The following MAGI1 variants were observed in gnomAD, a reference collection of about 807,000 sequenced individuals.
MAGI1 encodes the protein membrane associated guanylate kinase, WW and PDZ domain containing 1, also known as membrane-associated guanylate kinase, WW and PDZ domain-containing protein 1.
In MAGI1, 58 loss-of-function variants were observed where a neutral mutation model predicts 139.9. That is an observed-to-expected ratio of 0.41 (90% CI 0.34 to 0.52). The LOEUF (loss-of-function observed/expected upper bound fraction) is 0.52, where lower values mean the gene tolerates loss of function less well. Among genes scored for constraint, MAGI1 ranks in the 20% least tolerant of loss-of-function variants. MAGI1 has a pLI of 0.12. For synonymous variants in MAGI1, 812 were observed against 737.9 expected, an observed-to-expected ratio of 1.10 and a Z score of -1.63; for missense variants, 1,874 against 1,901.6, an observed-to-expected ratio of 0.99 and a Z score of 0.27.
chr3:65,674,094 C>T (rs1156607197), intron 1 of MAGI1, among the ~76,000 whole-genome samples: 1 of 152,102 alleles, frequency 6.6e-6, no homozygotes, highest in South Asian at 2.1e-4. Flanking sequence ...ATAATTTAAG[C>T]TTATACGACA....
chr3:65,460,317 A>G (rs977021585), intron 5 of MAGI1, among the ~76,000 whole-genome samples: 2 of 152,148 alleles, frequency 1.3e-5, no homozygotes, highest in Non-Finnish European at 2.9e-5. Context: ...CCTTTTTTGT[A>G]CTGTGTTTAG....
intron 16 of MAGI1, 70 bp from the exon 17 acceptor site, chr3:65,379,624 T>C: frequency 6.5e-7 from 1 of 1,542,078 alleles, no homozygotes; most frequent in Admixed American, 1.9e-5. Flanking sequence ...CCCTCCCTCC[T>C]TCCAGCAACT....
At chr3:65,933,103 GA>G (rs2062878121) in intron 1 of MAGI1, among the ~76,000 whole-genome samples, 1 of 152,230 alleles carries the variant, frequency 6.6e-6, no homozygotes, top group African/African-American at 2.4e-5. Flanking sequence ...GTGTATGGCT[GA>G]AAGAACCTGT....
At chr3:65,633,321 A>C (rs2107172354) in intron 1 of MAGI1, among the ~76,000 whole-genome samples, 1 of 152,300 alleles carries the variant, frequency 6.6e-6, no homozygotes, top group East Asian at 1.9e-4. Flanking sequence ...AGTGGTACAA[A>C]GACTATTGTT....
chr3:65,560,449 A>C (rs1454340976), intron 2 of MAGI1, among the ~76,000 whole-genome samples: 1 of 152,138 alleles, frequency 6.6e-6, no homozygotes, highest in African/African-American at 2.4e-5. Flanking sequence ...TTTAAAATAA[A>C]ATTTTTAGGG....
chr3:65,732,024 AT>A (rs1376255213), intron 1 of MAGI1, among the ~76,000 whole-genome samples: 3 of 152,308 alleles, frequency 2.0e-5, no homozygotes, highest in East Asian at 1.9e-4. Flanking sequence ...TATTATGAAT[AT>A]TTTTCCCCTT....
At chr3:65,403,125 C>G (rs1945042020) in intron 12 of MAGI1, among the ~76,000 whole-genome samples, 1 of 152,050 alleles carries the variant, frequency 6.6e-6, no homozygotes, top group Non-Finnish European at 1.5e-5. Flanking sequence ...CTCAGTTTCT[C>G]CATTTATAAA....
chr3:65,427,909 T>A (rs902864834), intron 12 of MAGI1, among the ~76,000 whole-genome samples: 2 of 152,196 alleles, frequency 1.3e-5, no homozygotes, highest in Non-Finnish European at 2.9e-5. Context: ...GGCTACTGTT[T>A]AAAACCAGTT....
At chr3:65,862,685 CCACCAGCTCAT>C (rs1396775103) in intron 1 of MAGI1, among the ~76,000 whole-genome samples, 1 of 152,202 alleles carries the variant, frequency 6.6e-6, no homozygotes, top group African/African-American at 2.4e-5. Flanking sequence ...CTCTCCTCTT[CCACCAGCTCAT>C]CACAAGTGTG....
intron 1 of MAGI1, among the ~76,000 whole-genome samples, chr3:65,879,110 G>C (rs1286209147): frequency 6.6e-6 from 1 of 152,062 alleles, no homozygotes. Flanking sequence ...TGGTAAACAA[G>C]AGTATCCCCA....
chr3:65,900,236 A>T lies in MAGI1; in HGVS notation c.313+137760T>A, dbSNP rs137963547. 6.9e-4 allele frequency among the ~76,000 whole-genome samples: 105 copies of T among 152,316 alleles called. 2 individuals are homozygous for T. The highest frequency in any genetic ancestry group is 2.5e-3 in the South Asian group (12 of 4,826). On this transcript the variant is annotated intron_variant, in intron 1 of 22. Coordinates refer to ENST00000402939, the MANE Select transcript of MAGI1 (RefSeq NM_001033057.2). Reference sequence around the variant, plus strand: ...TCCTATGTCAGGCATCCTTGGACTCATTAACTCTTAAAAATCCCATCCATC... The same window carrying T: ...TCCTATGTCAGGCATCCTTGGACTCTTTAACTCTTAAAAATCCCATCCATC...
At chr3:65,365,696 T>A (rs1362562933) in intron 18 of MAGI1, among the ~76,000 whole-genome samples, 1 of 152,204 alleles carries the variant, frequency 6.6e-6, no homozygotes, top group East Asian at 1.9e-4. Flanking sequence ...AAATGTGGTG[T>A]TAGGTTCCAT....
chr3:65,732,070 G>A (rs762394616), intron 1 of MAGI1, among the ~76,000 whole-genome samples: 3 of 152,006 alleles, frequency 2.0e-5, no homozygotes, highest in Non-Finnish European at 2.9e-5. Flanking sequence ...AAACATTCAC[G>A]TATCAATTTA....
chr3:65,453,391 A>T, intron 5 of MAGI1, 51 bp from the exon 6 acceptor site: 1 of 1,287,050 alleles, frequency 7.8e-7, no homozygotes, highest in South Asian at 1.3e-5. Flanking sequence ...AAAAAAAAAA[A>T]GCAAGAAGCC....
chr3:65,923,621 C>T lies in MAGI1; in HGVS notation c.313+114375G>A, dbSNP rs186616723. ...TAAATATGACAAGTATATGCCATATCTGAGGGAGTCTACCCTCTAGCAAGA... is the reference window on the plus strand; with the variant it reads ...TAAATATGACAAGTATATGCCATATTTGAGGGAGTCTACCCTCTAGCAAGA... On this transcript the variant is annotated intron_variant, in intron 1 of 22. Coordinates refer to ENST00000402939, the MANE Select transcript of MAGI1 (RefSeq NM_001033057.2). Among the ~76,000 whole-genome samples the T allele has an allele frequency of 5.9e-5, 9 of 152,280 alleles. No individual in the cohort carries two copies. The South Asian group carries it at 8.3e-4, about 14-fold the overall frequency.
intron 3 of MAGI1, 77 bp downstream of exon 3, chr3:65,493,435 A>G: frequency 6.3e-7 from 1 of 1,583,336 alleles, no homozygotes. Flanking sequence ...TCCACAAAAC[A>G]TTTTTGCCTG....
At chr3:65,821,077 G>A (rs2041924969) in intron 1 of MAGI1, among the ~76,000 whole-genome samples, 2 of 152,000 alleles carry the variant, frequency 1.3e-5, no homozygotes, top group African/African-American at 4.8e-5. Context: ...GTAAATCTAG[G>A]AGGCTCTTGG....
intron 12 of MAGI1, 173 bp from the exon 13 acceptor site, chr3:65,401,643 C>CAGAGGGAGGAGGAGAGCG (rs1944906006): frequency 1.9e-6 from 3 of 1,549,150 alleles, no homozygotes; most frequent in Non-Finnish European, 1.7e-6. Flanking sequence ...CGAATCAAAG[C>CAGAGGGAGGAGGAGAGCG]AGAGGGAGGA....
chr3:65,859,998 C>T (rs1199690557), intron 1 of MAGI1, among the ~76,000 whole-genome samples: 1 of 151,576 alleles, frequency 6.6e-6, no homozygotes, highest in Non-Finnish European at 1.5e-5. Flanking sequence ...GGGGTTCAAG[C>T]GATTCTCCTG....
Sources: gnomAD v4.1 joint callset for allele counts (sites outside exome capture counted in the v4.1 genomes callset) on GRCh38, gnomAD v4.1.1 for gene constraint, MANE v1.5 for transcripts, NCBI Gene and HGNC (gene_info 2026-07-23, HGNC 2026-07-21) for gene names.